NIN: variants seen among roughly 807,000 people sequenced by gnomAD.
NIN encodes the protein ninein, also known as glycogen synthase kinase 3 beta-interacting protein.
Under a neutral mutation model 257.6 loss-of-function variants are expected in NIN, and 137 were observed. The ratio of observed to expected loss-of-function variants is 0.53; its 90% confidence interval spans 0.46 to 0.61. NIN has a LOEUF of 0.61. Ranked by LOEUF, NIN falls within the 20% of genes least tolerant of loss-of-function variation. The pLI, the probability that NIN is intolerant of heterozygous loss-of-function variation, is 0.00. For missense variants in NIN, 2,439 were observed against 2,501.2 expected (o/e 0.98, Z 0.53); for synonymous variants, 918 against 919.8 (o/e 1.00, Z 0.04).
rs11376 is a variant in NIN at position 50,738,278 on chromosome 14, C to G, written c.5637G>C (p.Gln1879His). 31 of 1,612,992 alleles carry G rather than the reference C, an allele frequency of 1.9e-5. No homozygotes were observed. The highest frequency in any genetic ancestry group is 2.6e-5 in the Non-Finnish European group (31 of 1,179,578). Residue 1879 changes from glutamine to histidine, a missense_variant, in exon 27 of 31, where the codon CAG becomes CAC. Gln to His is a conservative substitution (Grantham distance 24). Transcript: ENST00000530997. The part of the protein sequence containing the change: ...ELTHSREKVR[Q>H]LESNLLPKHQ... ...GCTTGGGAAGAAGATTGGATTCCAA[C>G]TGACGGACCTAACAGGAACAAATGT...
At chr14:50,789,136 G>A (rs890145956) in intron 5 of NIN, among the ~76,000 whole-genome samples, 4 of 152,064 alleles carry the variant, frequency 2.6e-5, no homozygotes, top group African/African-American at 9.7e-5. Flanking sequence ...GGGGAGACTC[G>A]GCCCCAGTCC....
Position 50,739,473 on chromosome 14 carries a change from C to A in NIN, c.5463G>T (p.Glu1821Asp), listed in dbSNP as rs769035917. ...QNAGGKSWAP[E>D]IATHPSGLHN... is the part of the protein sequence containing the mutation. ...GGAGCCCTGATGGATGAGTAGCTAT[C>A]TCTGGGGCCCAGCTCTTAAGAGAAT... Residue 1821 changes from glutamate (E) to aspartate (D), a missense_variant, in exon 26 of 31, where the codon GAG becomes GAT. Coordinates refer to ENST00000530997, the MANE Select transcript of NIN (RefSeq NM_020921.4). 4 of 1,614,164 alleles carry A rather than the reference C, an allele frequency of 2.5e-6. No individual in the cohort carries two copies. In the Admixed American group the frequency reaches 6.7e-5, roughly 27 times the overall value.
chr14:50,738,258 G>GATTC lies in NIN; in HGVS notation c.5656_5657insGAAT (p.Pro1886ArgfsTer29). ...TGGGTTTAGATGTTTTTGGTGCTTG[G>GATTC]GAAGAAGATTGGATTCCAACTGACG... On this transcript the variant is annotated frameshift_variant, in exon 27 of 31. Coordinates refer to ENST00000530997, the MANE Select transcript of NIN (RefSeq NM_020921.4). LOFTEE classifies it high-confidence loss of function. The GATTC allele has an allele frequency of 1.2e-6, 2 of 1,613,744 alleles. No homozygotes were observed. Among genetic ancestry groups the GATTC allele is most frequent in the Non-Finnish European group, 1.7e-6 (2 of 1,179,814 alleles).
intron 4 of NIN, among the ~76,000 whole-genome samples, chr14:50,796,869 C>T (rs894459454): frequency 6.6e-6 from 1 of 152,226 alleles, no homozygotes; most frequent in Non-Finnish European, 1.5e-5. Flanking sequence ...TGCACCAGAT[C>T]ACCACATCTG....
chr14:50,765,074 A>T (rs1227758960), intron 14 of NIN, among the ~76,000 whole-genome samples: 1 of 147,278 alleles, frequency 6.8e-6, no homozygotes. Context: ...AAAAAAAAAA[A>T]AAAAAAAAAA....
chr14:50,757,105 T>C lies in NIN; in HGVS notation c.3925A>G (p.Lys1309Glu), dbSNP rs1302482431. ...EVTETFLSLE[K>E]SYDEVKIENE... The stretch of plus-strand genomic sequence containing the variant: ...TCTATTTTGACCTCATCGTAACTCT[T>C]TTCCAGGCTGAGGAATGTTTCAGTG... Residue 1309 changes from lysine to glutamate, a missense_variant, in exon 18 of 31, where the codon AAG becomes GAG. Lys to Glu is a moderately conservative substitution (Grantham distance 56, BLOSUM62 1). Transcript: ENST00000530997. 2 of 1,613,270 alleles carry C rather than the reference T, an allele frequency of 1.2e-6. No individual in the cohort carries two copies. Among genetic ancestry groups the C allele is most frequent in the Non-Finnish European group, 1.7e-6 (2 of 1,179,724 alleles).
chr14:50,756,368 TAGAGAGTACTGC>T, intron 18 of NIN, 112 bp downstream of exon 18: 1 of 1,005,750 alleles, frequency 9.9e-7, no homozygotes, highest in East Asian at 2.4e-5. Flanking sequence ...GAAGGAAGTC[TAGAGAGTACTGC>T]TCTCTTCGTG....
chr14:50,723,474 A>T lies in NIN; in HGVS notation c.6391T>A (p.Leu2131Met). 3 of 1,612,314 alleles carry T rather than the reference A, an allele frequency of 1.9e-6. No individual in the cohort carries two copies. Among genetic ancestry groups the T allele is most frequent in the Non-Finnish European group, 2.5e-6 (3 of 1,179,636 alleles). The part of the protein sequence containing the change: ...TPAPLTSTPP[L>M]RS ...ACCCTTTGGTTTGGCTATGACCTCA[A>T]AGGAGGTGTAGAAGTCAATGGCGCT... The change falls in exon 31 of 31, where the codon TTG becomes ATG. Residue 2131 changes from leucine to methionine, a missense_variant. By Grantham distance (15) the Leu-to-Met change is conservative (BLOSUM62 2). Coordinates refer to ENST00000530997, the MANE Select transcript of NIN (RefSeq NM_020921.4).
At chr14:50,789,974 C>A (rs553027394) in intron 5 of NIN, among the ~76,000 whole-genome samples, 79 of 152,336 alleles carry the variant, frequency 5.2e-4, no homozygotes, top group African/African-American at 1.8e-3. Context: ...GTGAGTGTGA[C>A]CCATAACCAC....
chr14:50,807,248 T>A (rs2142209013), intron 3 of NIN, among the ~76,000 whole-genome samples: 1 of 152,336 alleles, frequency 6.6e-6, no homozygotes, highest in African/African-American at 2.4e-5. Context: ...GGGAGTAAGC[T>A]GTCTTTTGAG....
At chr14:50,740,874 A>T (rs2140488702) in intron 25 of NIN, among the ~76,000 whole-genome samples, 1 of 152,358 alleles carries the variant, frequency 6.6e-6, no homozygotes, top group South Asian at 2.1e-4. Flanking sequence ...ATCTGCCCCA[A>T]AATGACATCT....
rs1257792686 is a variant in NIN at position 50,756,809 on chromosome 14, A to G, written c.4221T>C (p.His1407=). The part of the protein sequence containing the change: ...NTQLLEKVKA[H]EIAWLHGTIQ... ...TTGTTCCATGTAACCAGGCAATTTC[A>G]TGTGCTTTTACTTTTTCCAAGAGCT... The change falls in exon 18 of 31, where the codon CAT becomes CAC. Residue 1407 remains histidine, a synonymous_variant. Transcript: ENST00000530997. The G allele has an allele frequency of 6.4e-7, 1 of 1,551,486 alleles. No homozygotes were observed. Among genetic ancestry groups the G allele is most frequent in the African/African-American group, 1.4e-5 (1 of 73,002 alleles).
rs1227846856 is a variant in NIN at position 50,722,512 on chromosome 14, C to G, written c.*951G>C. 1 of 208,542 alleles carries G rather than the reference C, an allele frequency of 4.8e-6. No individual in the cohort carries two copies. Among genetic ancestry groups the G allele is most frequent in the East Asian group, 7.3e-5 (1 of 13,778 alleles). 12.9% of individuals were successfully genotyped at this position (208,542 alleles called of 1,614,324 possible). A position where few individuals can be genotyped will look rare whatever the true frequency, so the allele number is the denominator to read the frequency against. Reference sequence around the variant, plus strand: ...TCACATGGTTTATACATTTCAAATTCTTAGAGAGGCCCTACAGTAGTTCAG... The same window carrying G: ...TCACATGGTTTATACATTTCAAATTGTTAGAGAGGCCCTACAGTAGTTCAG... On this transcript the variant is annotated 3_prime_UTR_variant, in exon 31 of 31. Transcript: ENST00000530997.
chr14:50,757,123 T>C lies in NIN; in HGVS notation c.3907A>G (p.Thr1303Ala). ...ELKKMEEVTETFLSLEKSYDE... is the reference protein window; with the variant it reads ...ELKKMEEVTEAFLSLEKSYDE... ...TAACTCTTTTCCAGGCTGAGGAATG[T>C]TTCAGTGACTTCCTCCATTTTCTTC... The change falls in exon 18 of 31, where the codon ACA (threonine) becomes GCA (alanine). Residue 1303 changes from threonine to alanine, a missense_variant. Physicochemically the swap from Thr to Ala is moderately conservative, Grantham distance 58. Around this residue, in one of 3 missense-constraint regions of NIN, gnomAD observed 2,043 missense variants for 2,050.2 expected, o/e 1.00. Transcript: ENST00000530997. The C allele has an allele frequency of 6.2e-7, 1 of 1,612,670 alleles. No homozygotes were observed. The highest frequency in any genetic ancestry group is 1.1e-5 in the South Asian group (1 of 90,850).
chr14:50,727,613 G>C, intron 29 of NIN: 2 of 1,439,120 alleles, frequency 1.4e-6, no homozygotes, highest in Non-Finnish European at 1.9e-6. Flanking sequence ...ATGTCTCTGT[G>C]TGTGGTGTGT....
In NIN at chr14:50,741,572, A is replaced by C; in HGVS notation, c.5448+10T>G. On this transcript the variant is annotated intron_variant, in intron 25 of 30. Transcript: ENST00000530997. ...ATAACTTATACCTAAATAAAAAAAG[A>C]ACAAATCACCTTGCCACCAGCATTC... is the stretch of plus-strand genomic sequence containing the variant. 6.2e-7 allele frequency: 1 copy of C among 1,611,502 alleles called. No individual in the cohort carries two copies. The highest frequency in any genetic ancestry group is 8.5e-7 in the Non-Finnish European group (1 of 1,179,208).
intron 5 of NIN, among the ~76,000 whole-genome samples, chr14:50,787,558 T>A (rs774033423): frequency 6.6e-6 from 1 of 152,222 alleles, no homozygotes; most frequent in Non-Finnish European, 1.5e-5. Context: ...TTTGTTAGTC[T>A]GGATTAATTC....
At position 50,720,300 on chromosome 14, in the gene NIN, C is replaced by T. The variant is rs1222504855; in HGVS notation, c.*3163G>A. ...TTAATACTATCACAAAGCACTTAGC[C>T]TTGCCTTGACTGGAAATACCTTTAA... is the stretch of plus-strand genomic sequence containing the variant. On this transcript the variant is annotated 3_prime_UTR_variant, in exon 31 of 31. Coordinates refer to ENST00000530997, the MANE Select transcript of NIN (RefSeq NM_020921.4). 1 of 220,970 alleles carries T rather than the reference C, an allele frequency of 4.5e-6. No individual in the cohort carries two copies. Among genetic ancestry groups the T allele is most frequent in the Non-Finnish European group, 9.1e-6 (1 of 110,448 alleles). 13.7% of individuals were successfully genotyped at this position (220,970 alleles called of 1,614,324 possible).
chr14:50,720,815 T>C lies in NIN; in HGVS notation c.*2648A>G. The C allele has an allele frequency of 5.0e-6, 1 of 201,542 alleles. No homozygotes were observed. The highest frequency in any genetic ancestry group is 7.7e-5 in the East Asian group (1 of 12,984). 12.5% of individuals were successfully genotyped at this position (201,542 alleles called of 1,614,324 possible). A position where few individuals can be genotyped will look rare whatever the true frequency, so the allele number is the denominator to read the frequency against. ...ACATTTTCCTTTTCTTAGTGTAACG[T>C]ATTATCTCAAAGGCAAACTTGATTC... On this transcript the variant is annotated 3_prime_UTR_variant, in exon 31 of 31. Transcript: ENST00000530997.
Sources: allele counts gnomAD v4.1 joint callset (sites outside exome capture counted in the v4.1 genomes callset), GRCh38; gene constraint gnomAD v4.1.1; regional missense constraint gnomAD v4.1.1; transcripts MANE v1.5; gene names NCBI Gene and HGNC (gene_info 2026-07-23, HGNC 2026-07-21).